Variants in KRT33A observed in about 807,000 individuals in gnomAD.
KRT33A encodes the protein keratin 33A.
In KRT33A, 44 loss-of-function variants were observed where a neutral mutation model predicts 41.1. The observed-to-expected ratio is 1.07, with a 90% confidence interval of 0.84 to 1.38. The LOEUF (loss-of-function observed/expected upper bound fraction) is 1.38, where lower values mean the gene tolerates loss of function less well. Ranked by LOEUF, KRT33A falls within the 40% of genes most tolerant of loss-of-function variation. The pLI, the probability that KRT33A is intolerant of heterozygous loss-of-function variation, is 0.00. For synonymous variants in KRT33A, 229 were observed against 227.8 expected (o/e 1.01, Z -0.05); for missense variants, 536 against 518.5 (o/e 1.03, Z -0.33).
In KRT33A at chr17:41,348,553, C is replaced by G. The variant is rs539444986; in HGVS notation, c.518G>C (p.Arg173Thr). The part of the protein sequence containing the change: ...RRILDELTLC[R>T]SDLEAQVESL... Reference sequence around the variant, plus strand: ...CTCCACCTGGGCCTCCAGGTCAGACCTGCACAGGGTCAGCTCATCCAGGAT... The same window carrying G: ...CTCCACCTGGGCCTCCAGGTCAGACGTGCACAGGGTCAGCTCATCCAGGAT... Residue 173 changes from arginine to threonine, a missense_variant, in exon 3 of 7, where the codon AGG becomes ACG. By Grantham distance (71) the Arg-to-Thr change is moderately conservative (BLOSUM62 -1). Coordinates refer to ENST00000007735, the MANE Select transcript of KRT33A (RefSeq NM_004138.4). 6.2e-7 allele frequency: 1 copy of G among 1,614,012 alleles called. No homozygotes were observed. Among genetic ancestry groups the G allele is most frequent in the South Asian group, 1.1e-5 (1 of 91,070 alleles).
chr17:41,349,851 C>G (rs929406258), intron 1 of KRT33A, among the ~76,000 whole-genome samples: 3 of 151,898 alleles, frequency 2.0e-5, no homozygotes, highest in Non-Finnish European at 4.4e-5. Context: ...CACATGTTCC[C>G]AGATGTCCCA....
chr17:41,348,452 G>T (rs763762684), intron 3 of KRT33A, 31 bp downstream of exon 3: 1 of 1,612,950 alleles, frequency 6.2e-7, no homozygotes, highest in Non-Finnish European at 8.5e-7. Context: ...GTCCTGGCTA[G>T]TCTGAGCCCA....
In KRT33A at chr17:41,349,366, G is replaced by A. The variant is rs757482916; in HGVS notation, c.411C>T (p.Ala137=). The A allele has an allele frequency of 5.6e-5, 91 of 1,613,908 alleles. No homozygotes were observed. The highest frequency in any genetic ancestry group is 7.0e-5 in the Non-Finnish European group (83 of 1,180,000). The change falls in exon 2 of 7, where the codon GCC becomes GCT. Residue 137 remains alanine (A), a synonymous_variant. Transcript: ENST00000007735. ...LVVQIDNAKL[A]SDDFRTKYET... Reference sequence around the variant, plus strand: ...CTCACTTGGTCCTGAAGTCATCTGAGGCCAGCTTGGCATTGTCGATCTGCA... The same window carrying A: ...CTCACTTGGTCCTGAAGTCATCTGAAGCCAGCTTGGCATTGTCGATCTGCA...
In KRT33A at chr17:41,346,483, G is replaced by A. The variant is rs560062260; in HGVS notation, c.1062C>T (p.Asn354=). 253 of 1,614,022 alleles carry A rather than the reference G, an allele frequency of 1.6e-4. No homozygotes were observed. The South Asian group carries it at 2.5e-3, about 16-fold the overall frequency. Residue 354 remains asparagine, a synonymous_variant, in exon 6 of 7, where the codon AAC becomes AAT. Coordinates refer to ENST00000007735, the MANE Select transcript of KRT33A (RefSeq NM_004138.4). ...CGCTCTCCAGCAGGCTCCGGTACGTGTTGATCTCACACTCCAGCCGCGCCC... is the reference window on the plus strand; with the variant it reads ...CGCTCTCCAGCAGGCTCCGGTACGTATTGATCTCACACTCCAGCCGCGCCC... The part of the protein sequence containing the change: ...DVRARLECEI[N]TYRSLLESED...
rs781236219 is a variant in KRT33A, at chr17:41,350,695, T to C, written c.73A>G (p.Ser25Gly). ...CCGGGCAGGGTGCAGCCGTGGCAGC[T>C]GGGGGGCACACAGGGCCGGGAGGAG... ...SCSSRPCVPPSCHGCTLPGAC... is the reference protein window; with the variant it reads ...SCSSRPCVPPGCHGCTLPGAC... The change falls in exon 1 of 7, where the codon AGC (serine) becomes GGC (glycine). Residue 25 changes from serine (S) to glycine (G), a missense_variant. Transcript: ENST00000007735. The C allele has an allele frequency of 3.1e-6, 5 of 1,612,046 alleles. No homozygotes were observed. In the Admixed American group the frequency reaches 6.7e-5, roughly 22 times the overall value.
At chr17:41,350,301 A>G (rs2017486390) in intron 1 of KRT33A, 119 bp downstream of exon 1, 6 of 1,260,396 alleles carry the variant, frequency 4.8e-6, no homozygotes, top group South Asian at 1.5e-5. Context: ...AAAAAACAAA[A>G]TGGAAAGGCC....
intron 2 of KRT33A, 55 bp from the exon 3 acceptor site, chr17:41,348,694 C>T (rs750596037): frequency 9.4e-6 from 15 of 1,594,560 alleles, no homozygotes; most frequent in Middle Eastern, 1.7e-4. Context: ...CTGGCCTTGA[C>T]TCTGCTTTGG....
rs2017490277 is a variant in KRT33A at position 41,350,510 on chromosome 17, G to T, written c.258C>A (p.Asn86Lys). The change falls in exon 1 of 7, where the codon AAC becomes AAA. Residue 86 changes from asparagine (N) to lysine (K), a missense_variant. Asn to Lys is a moderately conservative substitution (Grantham distance 94). Coordinates refer to ENST00000007735, the MANE Select transcript of KRT33A (RefSeq NM_004138.4). Reference sequence around the variant, plus strand: ...GCTGCTGTGACCGCTCCCGGATGAGGTTCTCCAGCTCCGCGTTGTCCCGCT... The same window carrying T: ...GCTGCTGTGACCGCTCCCGGATGAGTTTCTCCAGCTCCGCGTTGTCCCGCT... ...QLERDNAELE[N>K]LIRERSQQQE... 6.2e-7 allele frequency: 1 copy of T among 1,614,114 alleles called. No individual in the cohort carries two copies. The highest frequency in any genetic ancestry group is 8.5e-7 in the Non-Finnish European group (1 of 1,180,038).
intron 2 of KRT33A, among the ~76,000 whole-genome samples, chr17:41,348,894 G>C (rs986736562): frequency 2.6e-5 from 4 of 152,142 alleles, no homozygotes; most frequent in African/African-American, 9.7e-5. Context: ...CCAGGAGTCT[G>C]AGGATCTGAA....
At chr17:41,349,158 G>A (rs925125732) in intron 2 of KRT33A, among the ~76,000 whole-genome samples, 188 bp downstream of exon 2, 2 of 152,220 alleles carry the variant, frequency 1.3e-5, no homozygotes, top group African/African-American at 4.8e-5. Flanking sequence ...GAAGAAGGAG[G>A]AAAGGAAGTC....
chr17:41,346,842 A>G lies in KRT33A; in HGVS notation c.876+2T>C. 1 of 1,612,520 alleles carries G rather than the reference A, an allele frequency of 6.2e-7. No homozygotes were observed. ...TCACCAGCAGGTCTGAACAATACAC[A>G]CCAGGTTGTGCTGGGCCTGCAGCTC... On this transcript the variant is annotated splice_donor_variant, in intron 5 of 6. Transcript: ENST00000007735. LOFTEE classifies it high-confidence loss of function.
rs1168702516 is a variant in KRT33A, at chr17:41,348,654, G to A, written c.432-15C>T. On this transcript the variant is annotated splice_polypyrimidine_tract_variant and intron_variant, in intron 2 of 6. Transcript: ENST00000007735. ...CGGTCTCATATCTGTGATCACAGGA[G>A]GGTCAGGAACAGGCTGGGCAGGAAT... 5.0e-6 allele frequency: 8 copies of A among 1,613,748 alleles called. No homozygotes were observed. The highest frequency in any genetic ancestry group is 6.8e-6 in the Non-Finnish European group (8 of 1,179,838).
chr17:41,346,223 G>T lies in KRT33A; in HGVS notation c.1111C>A (p.Pro371Thr), dbSNP rs1051201197. The change falls in exon 7 of 7, where the codon CCC becomes ACC. Residue 371 changes from proline (P) to threonine (T), a missense_variant. Transcript: ENST00000007735. ...TCACATGCATTGGTTGTGGCGCAGG[G>T]GTTGGAGGGGAGCCTGTGGGCAGAA... ...ESEDCKLPSN[P>T]CATTNACDKS... 5.6e-6 allele frequency: 9 copies of T among 1,614,080 alleles called. No individual in the cohort carries two copies. Among genetic ancestry groups the T allele is most frequent in the African/African-American group, 1.3e-5 (1 of 75,016 alleles).
At chr17:41,348,372 G>T in intron 3 of KRT33A, 111 bp downstream of exon 3, 3 of 1,107,026 alleles carry the variant, frequency 2.7e-6, no homozygotes, top group Non-Finnish European at 4.0e-6. Flanking sequence ...TTTGTATGCA[G>T]AATTACTTCC....
rs151338884 is a variant in KRT33A at position 41,347,065 on chromosome 17, G to C, written c.746C>G (p.Thr249Arg). ...NRREVEQWFA[T>R]QTEELNKQVV... ...GCCACGTGCTTAGATGCCCACCTGC[G>C]TGGCGAACCATTGCTCCACTTCCCT... is the stretch of plus-strand genomic sequence containing the variant. Residue 249 changes from threonine to arginine, a missense_variant, in exon 4 of 7, where the codon ACG becomes AGG. Coordinates refer to ENST00000007735, the MANE Select transcript of KRT33A (RefSeq NM_004138.4). 1 of 1,613,512 alleles carries C rather than the reference G, an allele frequency of 6.2e-7. No individual in the cohort carries two copies. The highest frequency in any genetic ancestry group is 1.7e-5 in the Admixed American group (1 of 59,988).
chr17:41,347,333 C>G (rs2017441475), intron 3 of KRT33A, 111 bp from the exon 4 acceptor site: 1 of 1,301,042 alleles, frequency 7.7e-7, no homozygotes, highest in Non-Finnish European at 1.0e-6. Flanking sequence ...ACTTTGTTCC[C>G]TCTGATCCTG....
Position 41,350,491 on chromosome 17 carries a change from G to C in KRT33A, c.277C>G (p.Gln93Glu). The C allele has an allele frequency of 6.2e-7, 1 of 1,614,124 alleles. No homozygotes were observed. Among genetic ancestry groups the C allele is most frequent in the South Asian group, 1.1e-5 (1 of 91,070 alleles). The change falls in exon 1 of 7, where the codon CAG (glutamine) becomes GAG (glutamate). Residue 93 changes from glutamine (Q) to glutamate (E), a missense_variant. Coordinates refer to ENST00000007735, the MANE Select transcript of KRT33A (RefSeq NM_004138.4). Reference sequence around the variant, plus strand: ...GCACACACCAAGGGCTCCTGCTGCTGTGACCGCTCCCGGATGAGGTTCTCC... The same window carrying C: ...GCACACACCAAGGGCTCCTGCTGCTCTGACCGCTCCCGGATGAGGTTCTCC... The part of the protein sequence containing the change: ...ELENLIRERS[Q>E]QQEPLVCASY...
chr17:41,347,272 C>T, intron 3 of KRT33A, 50 bp from the exon 4 acceptor site: 2 of 1,548,286 alleles, frequency 1.3e-6, no homozygotes, highest in Non-Finnish European at 1.7e-6. Flanking sequence ...TCTTGGTGCT[C>T]TCCTTAAGAG....
Position 41,346,560 on chromosome 17 carries a change from G to A in KRT33A, c.985C>T (p.Arg329Cys), listed in dbSNP as rs200881044. The change falls in exon 6 of 7, where the codon CGC (arginine) becomes TGC (cysteine). Residue 329 changes from arginine (R) to cysteine (C), a missense_variant. Transcript: ENST00000007735. ...TNVESQLAEI[R>C]SDLERQNQEY... is the part of the protein sequence containing the mutation. ...TGGTTCTGCCGCTCCAGGTCACTGC[G>A]GATCTCCGCCAGCTGGGACTCCACG... 1.8e-5 allele frequency: 29 copies of A among 1,614,198 alleles called. No individual in the cohort carries two copies. The highest frequency in any genetic ancestry group is 1.5e-4 in the African/African-American group (11 of 75,048).
Sources: allele counts gnomAD v4.1 joint callset (sites outside exome capture counted in the v4.1 genomes callset), GRCh38; gene constraint gnomAD v4.1.1; transcripts MANE v1.5; gene names NCBI Gene and HGNC (gene_info 2026-07-23, HGNC 2026-07-21).